Variants in TNR observed in about 807,000 individuals in gnomAD.
TNR encodes tenascin R.
Under a neutral mutation model 150.4 loss-of-function variants are expected in TNR, and 45 were observed. That is an observed-to-expected ratio of 0.30 (90% confidence interval 0.24 to 0.38). The LOEUF is 0.38. Among genes scored for constraint, TNR ranks in the 10% least tolerant of loss-of-function variants. TNR has a pLI of 1.00. For missense variants in TNR, 1,544 were observed against 1,759.1 expected (o/e 0.88, Z 2.19); for synonymous variants, 687 against 678.4 (o/e 1.01, Z -0.20).
At chr1:175,695,064 T>C (rs1558076935) in intron 1 of TNR, among the ~76,000 whole-genome samples, 1 of 152,196 alleles carries the variant, frequency 6.6e-6, no homozygotes, top group Non-Finnish European at 1.5e-5. Context: ...CTGATTCTTC[T>C]CCCCTTGGGT....
chr1:175,433,865 G>C (rs1655380293), intron 2 of TNR, among the ~76,000 whole-genome samples: 1 of 152,172 alleles, frequency 6.6e-6, no homozygotes, highest in South Asian at 2.1e-4. Flanking sequence ...TTGCGTCACG[G>C]AGACCACAGT....
intron 1 of TNR, among the ~76,000 whole-genome samples, chr1:175,659,894 G>A (rs562102160): frequency 1.7e-3 from 212 of 123,906 alleles, no homozygotes; most frequent in African/African-American, 6.1e-3. Flanking sequence ...TCCTTTGGGT[G>A]TCATTTTTTT....
At chr1:175,734,426 A>C (rs1240042238) in intron 1 of TNR, among the ~76,000 whole-genome samples, 1 of 152,230 alleles carries the variant, frequency 6.6e-6, no homozygotes, top group Non-Finnish European at 1.5e-5. Flanking sequence ...ACGTCTCCAC[A>C]GCTAGTAAGT....
At chr1:175,400,450 G>A (rs1170320840) in intron 4 of TNR, among the ~76,000 whole-genome samples, 1 of 152,132 alleles carries the variant, frequency 6.6e-6, no homozygotes, top group Non-Finnish European at 1.5e-5. Context: ...TCATATTCAT[G>A]AATGTTTTGT....
At chr1:175,498,185 G>T (rs563080652) in intron 2 of TNR, among the ~76,000 whole-genome samples, 75 of 152,336 alleles carry the variant, frequency 4.9e-4, no homozygotes, top group African/African-American at 1.8e-3. Context: ...AATGACTAAT[G>T]AGTCACCAAA....
At chr1:175,710,624 C>T (rs968706642) in intron 1 of TNR, among the ~76,000 whole-genome samples, 2 of 152,122 alleles carry the variant, frequency 1.3e-5, no homozygotes, top group Non-Finnish European at 2.9e-5. Flanking sequence ...GCCCTATCAA[C>T]AATTATTCCC....
intron 1 of TNR, among the ~76,000 whole-genome samples, chr1:175,657,303 C>G (rs1465709213): frequency 6.6e-6 from 1 of 152,164 alleles, no homozygotes; most frequent in Non-Finnish European, 1.5e-5. Flanking sequence ...GAAATAGGAA[C>G]ACTTTTACAC....
intron 20 of TNR, 51 bp downstream of exon 20, chr1:175,335,660 G>A (rs2101990564): frequency 1.3e-6 from 2 of 1,546,378 alleles, no homozygotes; most frequent in East Asian, 2.2e-5. Flanking sequence ...GGAGAGAGAT[G>A]GACAAAAAGC....
At chr1:175,543,608 G>A (rs1240624253) in intron 1 of TNR, among the ~76,000 whole-genome samples, 2 of 152,136 alleles carry the variant, frequency 1.3e-5, no homozygotes, top group Non-Finnish European at 2.9e-5. Context: ...TATCTAATGT[G>A]TATGTACTGT....
chr1:175,551,077 T>C (rs1026288912), intron 1 of TNR, among the ~76,000 whole-genome samples: 1 of 152,058 alleles, frequency 6.6e-6, no homozygotes, highest in Non-Finnish European at 1.5e-5. Flanking sequence ...AAGAAAATGG[T>C]TGAGTGAAAA....
chr1:175,448,506 G>A (rs1268231099), intron 2 of TNR, among the ~76,000 whole-genome samples: 1 of 152,152 alleles, frequency 6.6e-6, no homozygotes, highest in Non-Finnish European at 1.5e-5. Context: ...CGCTGTGCCC[G>A]GCGCCTTCAG....
intron 1 of TNR, among the ~76,000 whole-genome samples, chr1:175,650,307 C>T (rs911663875): frequency 1.3e-5 from 2 of 151,920 alleles, no homozygotes; most frequent in Non-Finnish European, 2.9e-5. Flanking sequence ...CTCTTGAACC[C>T]GGGAGGCGGA....
At chr1:175,375,459 T>C (rs1435440645) in intron 9 of TNR, among the ~76,000 whole-genome samples, 1 of 149,944 alleles carries the variant, frequency 6.7e-6, no homozygotes, top group African/African-American at 2.5e-5. Flanking sequence ...TCTCTGGACA[T>C]TGCCTACAGA....
intron 1 of TNR, among the ~76,000 whole-genome samples, chr1:175,625,075 A>G (rs1423332806): frequency 6.6e-6 from 1 of 152,244 alleles, no homozygotes; most frequent in Non-Finnish European, 1.5e-5. Flanking sequence ...CATCCATTGC[A>G]GCTTAAGAAC....
At chr1:175,618,263 T>A (rs921913904) in intron 1 of TNR, among the ~76,000 whole-genome samples, 3 of 152,220 alleles carry the variant, frequency 2.0e-5, no homozygotes, top group African/African-American at 4.8e-5. Context: ...AGTAATGGCA[T>A]AGTAGTTACC....
At chr1:175,620,677 C>A (rs749837173) in intron 1 of TNR, among the ~76,000 whole-genome samples, 1 of 152,138 alleles carries the variant, frequency 6.6e-6, no homozygotes, top group East Asian at 1.9e-4. Flanking sequence ...ACCTAGGATG[C>A]GCTCCTGAAT....
At chr1:175,532,664 T>A (rs992001856) in intron 1 of TNR, among the ~76,000 whole-genome samples, 1 of 152,220 alleles carries the variant, frequency 6.6e-6, no homozygotes, top group African/African-American at 2.4e-5. Flanking sequence ...GCAGTTTATC[T>A]GAGTGGTTCT....
At chr1:175,338,744 G>A (rs1650367287) in intron 18 of TNR, among the ~76,000 whole-genome samples, 1 of 152,198 alleles carries the variant, frequency 6.6e-6, no homozygotes, top group Non-Finnish European at 1.5e-5. Context: ...GTCAGAGTAA[G>A]TGACAGCACC....
chr1:175,364,897 C>T (rs1651760456), intron 12 of TNR, 113 bp downstream of exon 12: 2 of 1,322,708 alleles, frequency 1.5e-6, no homozygotes, highest in East Asian at 2.3e-5. Context: ...TTTCTCTAGC[C>T]ATAGAGGAAA....
Sources: allele counts gnomAD v4.1 joint callset (sites outside exome capture counted in the v4.1 genomes callset), GRCh38; gene constraint gnomAD v4.1.1; transcripts MANE v1.5; gene names NCBI Gene and HGNC (gene_info 2026-07-23, HGNC 2026-07-21).